NUMB: variants seen among roughly 807,000 people sequenced by gnomAD.
The protein encoded by NUMB is protein numb homolog.
In NUMB, 29 loss-of-function variants were observed where a neutral mutation model predicts 59.7. That is an observed-to-expected ratio of 0.49 (90% CI 0.36 to 0.66). The LOEUF (loss-of-function observed/expected upper bound fraction) is 0.66. NUMB is among the 30% of genes least tolerant of loss of function. NUMB has a pLI of 0.00. For missense variants in NUMB, 723 were observed against 822.0 expected (o/e 0.88, Z 1.47); for synonymous variants, 288 against 288.2 (o/e 1.00, Z 0.01).
intron 1 of NUMB, among the ~76,000 whole-genome samples, chr14:73,438,917 A>T (rs1882822238): frequency 1.3e-5 from 2 of 152,166 alleles, no homozygotes; most frequent in South Asian, 4.1e-4. Context: ...CAAAAAGACT[A>T]AAAGAATAAG....
At chr14:73,453,217 C>G (rs1461184583) in intron 1 of NUMB, among the ~76,000 whole-genome samples, 2 of 152,194 alleles carry the variant, frequency 1.3e-5, no homozygotes, top group Non-Finnish European at 2.9e-5. Flanking sequence ...ACTGTAACCT[C>G]CGCCTCCTGG....
At position 73,276,323 on chromosome 14, in the gene NUMB, G is replaced by A; in HGVS notation, c.*255C>T. On this transcript the variant is annotated 3_prime_UTR_variant, in exon 13 of 13. Transcript: ENST00000555238. ...TTGCCAGAGATTTGTAAGGGGGTAA[G>A]GGAAGAGGGAGTACAGAAAGCAACA... 2.4e-6 allele frequency: 1 copy of A among 410,928 alleles called. No individual in the cohort carries two copies. Among genetic ancestry groups the A allele is most frequent in the Non-Finnish European group, 4.4e-6 (1 of 228,560 alleles). The allele number at this position is 410,928 out of a possible 1,614,324, so 25.5% of individuals were successfully genotyped here.
chr14:73,427,584 G>C (rs117700366), intron 1 of NUMB, among the ~76,000 whole-genome samples: 5 of 152,200 alleles, frequency 3.3e-5, no homozygotes, highest in Non-Finnish European at 5.9e-5. Context: ...CTTTGTTCTA[G>C]AATTGGGGTC....
At chr14:73,381,098 G>C (rs962994662) in intron 2 of NUMB, among the ~76,000 whole-genome samples, 3 of 152,092 alleles carry the variant, frequency 2.0e-5, no homozygotes, top group African/African-American at 7.2e-5. Context: ...CAGGTTCAGA[G>C]ATATTAAATA....
At chr14:73,322,965 A>T in intron 5 of NUMB, 165 bp downstream of exon 5, 1 of 556,186 alleles carries the variant, frequency 1.8e-6, no homozygotes, top group Non-Finnish European at 3.2e-6. Flanking sequence ...TGCTAGGATT[A>T]CAGGAGTGAG....
intron 2 of NUMB, among the ~76,000 whole-genome samples, chr14:73,401,852 A>G (rs550249820): frequency 6.6e-6 from 1 of 151,880 alleles, no homozygotes; most frequent in African/African-American, 2.4e-5. Flanking sequence ...TACAGGCGTG[A>G]GCCACCACAT....
chr14:73,368,114 C>T (rs1894464296), intron 2 of NUMB, among the ~76,000 whole-genome samples: 1 of 151,358 alleles, frequency 6.6e-6, no homozygotes, highest in African/African-American at 2.4e-5. Flanking sequence ...AAATATGTGG[C>T]TGGCAAGAGG....
chr14:73,372,155 C>T (rs1894703175), intron 2 of NUMB, among the ~76,000 whole-genome samples: 1 of 151,216 alleles, frequency 6.6e-6, no homozygotes, highest in Non-Finnish European at 1.5e-5. Flanking sequence ...ATCACTTGAA[C>T]TTGGGAGGTG....
intron 1 of NUMB, among the ~76,000 whole-genome samples, chr14:73,411,025 A>G (rs1007070822): frequency 1.3e-5 from 2 of 152,156 alleles, no homozygotes; most frequent in African/African-American, 4.8e-5. Context: ...GAAGAATGAT[A>G]GGATGGATTT....
chr14:73,319,474 T>C (rs534237111), intron 5 of NUMB, among the ~76,000 whole-genome samples: 1 of 152,308 alleles, frequency 6.6e-6, no homozygotes, highest in East Asian at 1.9e-4. Flanking sequence ...ATTTCAAAGA[T>C]ATCCTATTTC....
chr14:73,323,525 T>G (rs1891510486), intron 4 of NUMB, among the ~76,000 whole-genome samples: 1 of 152,256 alleles, frequency 6.6e-6, no homozygotes, highest in Non-Finnish European at 1.5e-5. Context: ...AAGTACACAG[T>G]AGGCACTAAA....
intron 4 of NUMB, among the ~76,000 whole-genome samples, chr14:73,334,614 A>G (rs1239975323): frequency 1.3e-5 from 2 of 152,102 alleles, no homozygotes; most frequent in Non-Finnish European, 2.9e-5. Flanking sequence ...CTAGTAATGT[A>G]TAGTTTCCTA....
intron 5 of NUMB, 139 bp from the exon 6 acceptor site, chr14:73,316,561 C>T (rs528597876): frequency 1.4e-6 from 1 of 729,658 alleles, no homozygotes; most frequent in Non-Finnish European, 2.4e-6. Flanking sequence ...AAAGAGTTAT[C>T]CACACCAGGA....
At chr14:73,451,641 A>G (rs1004348711) in intron 1 of NUMB, among the ~76,000 whole-genome samples, 2 of 152,182 alleles carry the variant, frequency 1.3e-5, no homozygotes, top group Non-Finnish European at 2.9e-5. Flanking sequence ...CAAATTATCT[A>G]CATGATAAAA....
intron 3 of NUMB, among the ~76,000 whole-genome samples, chr14:73,357,944 C>T (rs1421937340): frequency 1.3e-5 from 2 of 150,940 alleles, no homozygotes; most frequent in Non-Finnish European, 2.9e-5. Context: ...TGTTATGATT[C>T]CTTTCTTCTT....
intron 8 of NUMB, among the ~76,000 whole-genome samples, chr14:73,290,007 C>A (rs1307450528): frequency 6.6e-6 from 1 of 152,196 alleles, no homozygotes; most frequent in Non-Finnish European, 1.5e-5. Context: ...ATGAAAAACG[C>A]TGGAGATGGG....
intron 1 of NUMB, among the ~76,000 whole-genome samples, chr14:73,432,254 T>A (rs1463548151): frequency 6.6e-6 from 1 of 151,844 alleles, no homozygotes; most frequent in African/African-American, 2.4e-5. Flanking sequence ...TTGGGGAGGA[T>A]GAGGCTTCAC....
intron 2 of NUMB, among the ~76,000 whole-genome samples, chr14:73,370,522 T>C (rs915401703): frequency 7.9e-5 from 12 of 152,024 alleles, no homozygotes; most frequent in Non-Finnish European, 1.8e-4. Context: ...AGAAACCCCG[T>C]CTCTACTAAA....
chr14:73,368,765 T>A (rs916882970), intron 2 of NUMB, among the ~76,000 whole-genome samples: 1 of 152,132 alleles, frequency 6.6e-6, no homozygotes, highest in African/African-American at 2.4e-5. Flanking sequence ...AAAGCCTGTA[T>A]GACAAAATAC....
Sources: gnomAD v4.1 joint callset for allele counts (sites outside exome capture counted in the v4.1 genomes callset) on GRCh38, gnomAD v4.1.1 for gene constraint, MANE v1.5 for transcripts, NCBI Gene and HGNC (gene_info 2026-07-23, HGNC 2026-07-21) for gene names.